TANC2: variants seen among roughly 807,000 people sequenced by gnomAD.
The protein encoded by TANC2 is protein TANC2.
Under a neutral mutation model 210.5 loss-of-function variants are expected in TANC2, and 26 were observed. The ratio of observed to expected loss-of-function variants is 0.12; its 90% confidence interval spans 0.09 to 0.17. The LOEUF (loss-of-function observed/expected upper bound fraction) is 0.17, where lower values mean the gene tolerates loss of function less well. TANC2 is among the 10% of genes least tolerant of loss of function. TANC2 has a pLI of 1.00. For synonymous variants in TANC2, 931 were observed against 967.1 expected (o/e 0.96, Z 0.69); for missense variants, 2,129 against 2,608.9 (o/e 0.82, Z 4.01).
chr17:63,097,634 A>G (rs1008815770), intron 3 of TANC2, among the ~76,000 whole-genome samples: 2 of 152,100 alleles, frequency 1.3e-5, no homozygotes, highest in Non-Finnish European at 2.9e-5. Context: ...TTTGGGCCAC[A>G]TTCAAAGCTG....
intron 1 of TANC2, chr17:63,004,828 G>T: frequency 3.3e-6 from 1 of 307,576 alleles, no homozygotes; most frequent in South Asian, 3.2e-5. Context: ...TTTACCAAGG[G>T]CCTTTTTTGG....
intron 7 of TANC2, among the ~76,000 whole-genome samples, chr17:63,224,978 CT>C (rs2042292716): frequency 6.6e-6 from 1 of 152,148 alleles, no homozygotes; most frequent in African/African-American, 2.4e-5. Flanking sequence ...TCTCCTATAT[CT>C]TTTTTTCTGC....
At chr17:63,123,296 G>A (rs1032452141) in intron 4 of TANC2, among the ~76,000 whole-genome samples, 6 of 152,244 alleles carry the variant, frequency 3.9e-5, no homozygotes, top group East Asian at 1.9e-4. Flanking sequence ...GGTGGCTCAC[G>A]CCTGTAATCC....
chr17:63,270,650 C>T (rs994527782), intron 9 of TANC2, among the ~76,000 whole-genome samples: 2 of 152,036 alleles, frequency 1.3e-5, no homozygotes, highest in African/African-American at 4.8e-5. Context: ...AAGGAGTACT[C>T]TGACAAGTTC....
At chr17:63,389,594 G>T (rs751215153) in intron 17 of TANC2, 50 bp downstream of exon 17, 42 of 1,489,890 alleles carry the variant, frequency 2.8e-5, no homozygotes, top group Non-Finnish European at 3.8e-5. Context: ...CTTTATTTTC[G>T]ATGCATACTC....
intron 4 of TANC2, among the ~76,000 whole-genome samples, chr17:63,130,513 C>CAAAA (rs879278996): frequency 9.0e-6 from 1 of 111,136 alleles, no homozygotes. Flanking sequence ...CTCCATCTCA[C>CAAAA]AAAAAAAAAA....
At chr17:63,234,465 A>G (rs2042565790) in intron 7 of TANC2, among the ~76,000 whole-genome samples, 1 of 152,146 alleles carries the variant, frequency 6.6e-6, no homozygotes, top group African/African-American at 2.4e-5. Context: ...TTTCGTTCTG[A>G]TATTTCATTG....
intron 4 of TANC2, among the ~76,000 whole-genome samples, chr17:63,102,352 G>A (rs1009436042): frequency 2.0e-5 from 3 of 149,738 alleles, no homozygotes; most frequent in Admixed American, 2.0e-4. Context: ...AAAAAGAGTT[G>A]GAGAGGTGGG....
exon 28 of TANC2, chr17:63,426,773 A>G: frequency 6.6e-6 from 1 of 152,162 alleles, no homozygotes; most frequent in Non-Finnish European, 1.5e-5. Flanking sequence ...TTCCAGGTAG[A>G]CCTACTCTGT....
At chr17:63,269,648 C>G (rs2043638010) in intron 9 of TANC2, among the ~76,000 whole-genome samples, 1 of 152,016 alleles carries the variant, frequency 6.6e-6, no homozygotes, top group Non-Finnish European at 1.5e-5. Context: ...TTTGGGAAAC[C>G]TTTATATTGA....
intron 8 of TANC2, among the ~76,000 whole-genome samples, chr17:63,249,124 A>T (rs561452168): frequency 1.0e-3 from 158 of 152,282 alleles, no homozygotes; most frequent in Non-Finnish European, 1.8e-3. Context: ...TTTGCTGAAA[A>T]CATGAAAACT....
chr17:63,191,753 G>A (rs1271832172), intron 5 of TANC2, among the ~76,000 whole-genome samples: 3 of 152,110 alleles, frequency 2.0e-5, no homozygotes, highest in Admixed American at 6.5e-5. Context: ...ATGAGCCACC[G>A]CGCCTGGCCC....
chr17:63,001,116 C>A (rs983526740), intron 1 of TANC2, among the ~76,000 whole-genome samples: 8 of 152,022 alleles, frequency 5.3e-5, no homozygotes, highest in Non-Finnish European at 1.2e-4. Context: ...TAATAAGTTG[C>A]TGTTTTTATG....
At chr17:63,303,058 G>A (rs1338420759) in intron 9 of TANC2, among the ~76,000 whole-genome samples, 3 of 152,068 alleles carry the variant, frequency 2.0e-5, no homozygotes, top group Admixed American at 6.5e-5. Flanking sequence ...CACTGTGCCC[G>A]GTCATCTGTG....
chr17:63,082,086 G>T (rs1452322047), intron 3 of TANC2, among the ~76,000 whole-genome samples: 1 of 152,158 alleles, frequency 6.6e-6, no homozygotes, highest in Non-Finnish European at 1.5e-5. Context: ...CAGGAGAATG[G>T]CATGAACCCG....
chr17:63,223,354 T>A (rs901483454), intron 7 of TANC2, among the ~76,000 whole-genome samples: 7 of 152,136 alleles, frequency 4.6e-5, no homozygotes, highest in Admixed American at 1.3e-4. Flanking sequence ...AGCAATAGTA[T>A]ATAGCAAAAT....
At chr17:63,275,316 T>C (rs547706551) in intron 9 of TANC2, among the ~76,000 whole-genome samples, 59 of 152,322 alleles carry the variant, frequency 3.9e-4, no homozygotes, top group African/African-American at 1.4e-3. Context: ...TTAGCTACTT[T>C]AATAGACACT....
At chr17:63,358,373 G>GT (rs1224783789) in intron 14 of TANC2, among the ~76,000 whole-genome samples, 5,885 of 137,198 alleles carry the variant, frequency 0.043, 157 homozygotes, top group African/African-American at 0.1. Context: ...GAGAGAGAGA[G>GT]AGAGTATGTG....
At chr17:63,314,546 G>A (rs750699899) in exon 10 of TANC2, 3 of 1,613,856 alleles carry the variant, frequency 1.9e-6, no homozygotes, top group African/African-American at 2.7e-5. Flanking sequence ...GAACCAAGGA[G>A]TAGTGATTGT....
Sources: gnomAD v4.1 joint callset for allele counts (sites outside exome capture counted in the v4.1 genomes callset) on GRCh38, gnomAD v4.1.1 for gene constraint, MANE v1.5 for transcripts, NCBI Gene and HGNC (gene_info 2026-07-23, HGNC 2026-07-21) for gene names.